RP1: variants seen among roughly 807,000 people sequenced by gnomAD.
The protein encoded by RP1 is RP1 axonemal microtubule associated, also known as oxygen-regulated protein 1.
In RP1, 16 loss-of-function variants were observed where a neutral mutation model predicts 14.8. The observed-to-expected ratio is 1.08, with a 90% CI of 0.73 to 1.65. The LOEUF (loss-of-function observed/expected upper bound fraction) is 1.65, where lower values mean the gene tolerates loss of function less well. Among genes scored for constraint, RP1 ranks in the 40% most tolerant of loss-of-function variants. The pLI is 0.00. For missense variants in RP1, 2,631 were observed against 2,535.0 expected, an observed-to-expected ratio of 1.04 and a Z score of -0.81; for synonymous variants, 876 against 883.6, an observed-to-expected ratio of 0.99 and a Z score of 0.15.
At chr8:54,830,001 T>C (rs1811480402) in intron 24 of RP1, among the ~76,000 whole-genome samples, 1 of 152,178 alleles carries the variant, frequency 6.6e-6, no homozygotes, top group African/African-American at 2.4e-5. Context: ...AAAGAGTATG[T>C]ATTCTGAAGC....
rs146109630 is a variant in RP1, at chr8:54,577,790, A to G, written c.-13+18470A>G. ...CTGGAAAGCGTACAGGAGGGGCTCAAATCCAGGTGTGACCATTGTTCAACT... is the reference window on the plus strand; with the variant it reads ...CTGGAAAGCGTACAGGAGGGGCTCAGATCCAGGTGTGACCATTGTTCAACT... On this transcript the variant is annotated intron_variant, in intron 1 of 22. Coordinates refer to the RP1 transcript ENST00000636932. Among the ~76,000 whole-genome samples the G allele has an allele frequency of 4.1e-3, 630 of 152,254 alleles. 9 individuals are homozygous for G. Among genetic ancestry groups the G allele is most frequent in the African/African-American group, 0.015 (603 of 41,558 alleles).
At chr8:54,728,988 A>G (rs942651199) in intron 17 of RP1, among the ~76,000 whole-genome samples, 1 of 152,204 alleles carries the variant, frequency 6.6e-6, no homozygotes, top group Non-Finnish European at 1.5e-5. Flanking sequence ...ATAAGACACC[A>G]TATTATTCAT....
At chr8:54,714,546 G>T (rs1808359430) in intron 15 of RP1, among the ~76,000 whole-genome samples, 1 of 152,178 alleles carries the variant, frequency 6.6e-6, no homozygotes, top group Non-Finnish European at 1.5e-5. Context: ...CAAGAAGACA[G>T]CTTCAGCTCC....
At chr8:54,858,211 A>G (rs1812250206) in intron 27 of RP1, among the ~76,000 whole-genome samples, 1 of 152,248 alleles carries the variant, frequency 6.6e-6, no homozygotes, top group Non-Finnish European at 1.5e-5. Context: ...GCAGAAGCAG[A>G]AAAGGTGAGG....
At chr8:54,585,949 C>A (rs1252282840) in intron 1 of RP1, among the ~76,000 whole-genome samples, 1 of 152,180 alleles carries the variant, frequency 6.6e-6, no homozygotes, top group Admixed American at 6.5e-5. Context: ...CGAACTTCCT[C>A]CTTTAGCTCG....
At chr8:54,689,494 C>T (rs1807657385) in intron 12 of RP1, among the ~76,000 whole-genome samples, 1 of 152,056 alleles carries the variant, frequency 6.6e-6, no homozygotes, top group South Asian at 2.1e-4. Context: ...CCAGCTCCTT[C>T]TTTCAAAGTC....
intron 19 of RP1, among the ~76,000 whole-genome samples, chr8:54,740,364 A>G (rs1017260917): frequency 7.3e-6 from 1 of 137,452 alleles, no homozygotes; most frequent in African/African-American, 2.7e-5. Context: ...GCGAATGTGT[A>G]TGTTCATGTC....
intron 1 of RP1, among the ~76,000 whole-genome samples, chr8:54,588,116 A>G (rs1804972208): frequency 6.6e-6 from 1 of 152,212 alleles, no homozygotes; most frequent in African/African-American, 2.4e-5. Flanking sequence ...TTATGCTGTG[A>G]CTATAACTGC....
chr8:54,754,703 A>C, intron 19 of RP1: 1 of 1,209,768 alleles, frequency 8.3e-7, no homozygotes, highest in Non-Finnish European at 1.1e-6. Context: ...TCATCAGAGT[A>C]TGCAGTACAC....
chr8:54,799,015 G>T (rs11786062), intron 24 of RP1, among the ~76,000 whole-genome samples: 6 of 151,174 alleles, frequency 4.0e-5, no homozygotes, highest in African/African-American at 1.5e-4. Flanking sequence ...TTGCTTTTTC[G>T]GATTTGCTTT....
intron 1 of RP1, among the ~76,000 whole-genome samples, chr8:54,606,240 G>C (rs1431017190): frequency 2.6e-5 from 4 of 152,084 alleles, no homozygotes; most frequent in Non-Finnish European, 5.9e-5. Context: ...CAGGCCTGGT[G>C]GTGACAAAAT....
intron 1 of RP1, chr8:54,560,221 T>G (rs934446474): frequency 2.0e-5 from 3 of 152,020 alleles, no homozygotes; most frequent in Non-Finnish European, 4.4e-5. Flanking sequence ...CCAGGAGTTT[T>G]GGGGATGGGG....
At chr8:54,696,527 G>T in intron 12 of RP1, 1 of 786,422 alleles carries the variant, frequency 1.3e-6, no homozygotes, top group Non-Finnish European at 2.2e-6. Flanking sequence ...GCAGAGGAAA[G>T]GAAAAGGGCT....
intron 27 of RP1, among the ~76,000 whole-genome samples, chr8:54,859,224 C>T (rs1016313828): frequency 6.6e-6 from 1 of 151,010 alleles, no homozygotes; most frequent in African/African-American, 2.4e-5. Context: ...AGCACTGTCA[C>T]TGTAGAGGGG....
intron 25 of RP1, among the ~76,000 whole-genome samples, chr8:54,846,404 T>A (rs1193753381): frequency 1.3e-5 from 2 of 152,216 alleles, no homozygotes; most frequent in Non-Finnish European, 2.9e-5. Context: ...CTGATTATAG[T>A]CTACAGCCCT....
At chr8:54,739,843 G>A (rs1052288721) in intron 19 of RP1, among the ~76,000 whole-genome samples, 1 of 151,904 alleles carries the variant, frequency 6.6e-6, no homozygotes, top group Admixed American at 6.6e-5. Flanking sequence ...TTATAATGGA[G>A]CTGAAAAATT....
chr8:54,566,275 C>T (rs1469687955), intron 1 of RP1, among the ~76,000 whole-genome samples: 2 of 152,138 alleles, frequency 1.3e-5, no homozygotes, highest in Non-Finnish European at 2.9e-5. Context: ...TCTCTCCACC[C>T]CAAACTTAAT....
chr8:54,849,989 T>C (rs1215779772), intron 25 of RP1, among the ~76,000 whole-genome samples: 1 of 152,208 alleles, frequency 6.6e-6, no homozygotes, highest in Non-Finnish European at 1.5e-5. Flanking sequence ...AAAAACATTT[T>C]ATGCTGTGCT....
At chr8:54,705,103 T>C (rs1808118530) in intron 14 of RP1, among the ~76,000 whole-genome samples, 1 of 152,146 alleles carries the variant, frequency 6.6e-6, no homozygotes, top group Non-Finnish European at 1.5e-5. Flanking sequence ...ACTATAAAGT[T>C]AGGGGGAACA....
Sources: gnomAD v4.1 joint callset for allele counts (sites outside exome capture counted in the v4.1 genomes callset) on GRCh38, gnomAD v4.1.1 for gene constraint, MANE v1.5 for transcripts, NCBI Gene and HGNC (gene_info 2026-07-23, HGNC 2026-07-21) for gene names.